MVD: variants seen among roughly 807,000 people sequenced by gnomAD.
MVD encodes mevalonate diphosphate decarboxylase, also known as diphosphomevalonate decarboxylase.
MVD carries 52 observed loss-of-function variants against 42.4 expected under a neutral mutation model. The observed-to-expected ratio is 1.23, with a 90% confidence interval of 0.98 to 1.55. The LOEUF (loss-of-function observed/expected upper bound fraction) is 1.55, where lower values mean the gene tolerates loss of function less well. Ranked by LOEUF, MVD falls within the 40% of genes most tolerant of loss-of-function variation. The probability of loss-of-function intolerance (pLI) is 0.00; values close to 1 mark genes in which losing one functional copy is unlikely to be tolerated. For missense variants in MVD, 663 were observed against 572.1 expected (o/e 1.16, Z -1.62); for synonymous variants, 287 against 243.2 (o/e 1.18, Z -1.68).
intron 9 of MVD, 127 bp from the exon 10 acceptor site, chr16:88,652,732 G>A: frequency 1.1e-6 from 1 of 909,326 alleles, no homozygotes. Flanking sequence ...CTGGTCAGAA[G>A]GTAAAGCGCC....
Position 88,652,541 on chromosome 16 carries a change from G to T in MVD, c.1187C>A (p.Pro396Gln). The change falls in exon 10 of 10, where the codon CCG becomes CAG. Residue 396 changes from proline to glutamine, a missense_variant. Physicochemically the swap from Pro to Gln is moderately conservative, Grantham distance 76. Coordinates refer to ENST00000301012, the MANE Select transcript of MVD (RefSeq NM_002461.3). ...CAHLLGPDGL[P>Q]KPAA ...CTGAGGCAGTCAGGCAGCTGGCTTC[G>T]GCAGGCCGTCAGGACCCAGGAGGTG... The T allele has an allele frequency of 6.4e-7, 1 of 1,573,274 alleles. No individual in the cohort carries two copies. Among genetic ancestry groups the T allele is most frequent in the African/African-American group, 1.3e-5 (1 of 74,148 alleles).
chr16:88,657,317 T>G, intron 4 of MVD, 119 bp downstream of exon 4: 1 of 1,382,920 alleles, frequency 7.2e-7, no homozygotes, highest in East Asian at 2.5e-5. Context: ...CAGGGAGGCC[T>G]GGGGTGAGGG....
In MVD at chr16:88,658,733, G is replaced by C. The variant is rs1908102319; in HGVS notation, c.71-13C>G. The C allele has an allele frequency of 6.2e-7, 1 of 1,606,912 alleles. No individual in the cohort carries two copies. Among genetic ancestry groups the C allele is most frequent in the African/African-American group, 1.3e-5 (1 of 74,590 alleles). On this transcript the variant is annotated splice_polypyrimidine_tract_variant and intron_variant, in intron 1 of 9. Coordinates refer to ENST00000301012, the MANE Select transcript of MVD (RefSeq NM_002461.3). ...TCGCGCTTGCCCCCTGTAATGAACA[G>C]CCAGGGCCAGGCCGGTGGGCTTCCC...
intron 5 of MVD, 52 bp from the exon 6 acceptor site, chr16:88,655,782 A>G (rs1016304508): frequency 3.3e-6 from 5 of 1,538,098 alleles, no homozygotes; most frequent in Admixed American, 3.9e-5. Context: ...GCCAGCCCCA[A>G]GGACCTCAGC....
Position 88,654,723 on chromosome 16 carries a change from G to A in MVD, c.982C>T (p.His328Tyr), listed in dbSNP as rs1907795129. 4 of 1,602,292 alleles carry A rather than the reference G, an allele frequency of 2.5e-6. No homozygotes were observed. The highest frequency in any genetic ancestry group is 3.4e-6 in the Non-Finnish European group (4 of 1,176,388). Residue 328 changes from histidine to tyrosine, a missense_variant, in exon 8 of 10, where the codon CAC (histidine) becomes TAC (tyrosine). By Grantham distance (83) the His-to-Tyr change is moderately conservative. Coordinates refer to ENST00000301012, the MANE Select transcript of MVD (RefSeq NM_002461.3). ...CCATTCGAGCCTGGGGGAAAGCCGT[G>A]CCACACAGCAGCCACAAACTCAGCC... ...TVAEFVAAVWHGFPPGSNGDT... is the reference protein window; with the variant it reads ...TVAEFVAAVWYGFPPGSNGDT...
Position 88,652,304 on chromosome 16 carries a change from C to T in MVD, c.*221G>A, listed in dbSNP as rs1323627981. The T allele has an allele frequency of 4.9e-6, 3 of 612,748 alleles. No individual in the cohort carries two copies. The highest frequency in any genetic ancestry group is 2.8e-5 in the East Asian group (1 of 36,166). The allele number at this position is 612,748 out of a possible 1,614,324, so 38.0% of individuals were successfully genotyped here. On this transcript the variant is annotated 3_prime_UTR_variant, in exon 10 of 10. Transcript: ENST00000301012. ...CCCTCCCCATCCCATCTTGGCAAAG[C>T]GCTGGTGCAGCTTAGGGCAGCTGAA...
chr16:88,657,775 G>C, intron 3 of MVD, 140 bp downstream of exon 3: 3 of 1,239,998 alleles, frequency 2.4e-6, no homozygotes, highest in Non-Finnish European at 3.4e-6. Context: ...CTGCCCTGGA[G>C]CTGGCGGCCC....
At chr16:88,662,495 G>C (rs4782396) in intron 1 of MVD, among the ~76,000 whole-genome samples, 128,950 of 152,274 alleles carry the variant, frequency 0.85, 54,657 homozygotes, top group East Asian at 0.92. Context: ...CGGCCTCCCC[G>C]GCACGGATGT....
chr16:88,655,287 G>C lies in MVD; in HGVS notation c.809C>G (p.Thr270Ser). ...SNQFHATCLD[T>S]FPPISYLNAI... ...ATTGAGGTAAGAGATGGGCGGGAAG[G>C]TGTCGAGGCAGGTGGCGTGGAACTG... The change falls in exon 7 of 10, where the codon ACC becomes AGC. Residue 270 changes from threonine (T) to serine (S), a missense_variant. Physicochemically the swap from Thr to Ser is moderately conservative, Grantham distance 58 (BLOSUM62 1). Coordinates refer to ENST00000301012, the MANE Select transcript of MVD (RefSeq NM_002461.3). 6.3e-7 allele frequency: 1 copy of C among 1,593,574 alleles called. No individual in the cohort carries two copies. The highest frequency in any genetic ancestry group is 8.5e-7 in the Non-Finnish European group (1 of 1,170,288).
chr16:88,662,607 T>C (rs1908377421), intron 1 of MVD: 2 of 1,058,730 alleles, frequency 1.9e-6, no homozygotes, highest in Non-Finnish European at 2.4e-6. Context: ...AGTGGCGCGA[T>C]TTCCGCTCAC....
intron 1 of MVD, among the ~76,000 whole-genome samples, chr16:88,661,480 T>A (rs976391879): frequency 1.3e-5 from 2 of 151,920 alleles, no homozygotes; most frequent in Non-Finnish European, 2.9e-5. Flanking sequence ...CACCTCAGCC[T>A]CCCCAAGTGC....
At chr16:88,656,921 G>A in intron 4 of MVD, 1 of 321,342 alleles carries the variant, frequency 3.1e-6, no homozygotes, top group Non-Finnish European at 6.1e-6. Flanking sequence ...GACAGTGGGT[G>A]GGAAGCTGCC....
intron 7 of MVD, 150 bp downstream of exon 7, chr16:88,655,049 C>CAGAT: frequency 2.9e-6 from 3 of 1,040,094 alleles, no homozygotes; most frequent in Non-Finnish European, 4.2e-6. Context: ...CAGAAGAACC[C>CAGAT]AGATGGTCAG....
intron 5 of MVD, 174 bp downstream of exon 5, chr16:88,655,931 C>T (rs1907893488): frequency 4.4e-6 from 5 of 1,125,716 alleles, no homozygotes; most frequent in South Asian, 3.1e-5. Context: ...TGGTGGCGCC[C>T]GCCGCATGGG....
At position 88,661,545 on chromosome 16, in the gene MVD, C is replaced by T. The variant is rs569810480; in HGVS notation, c.70+1466G>A. On this transcript the variant is annotated intron_variant, in intron 1 of 9. Transcript: ENST00000301012. ...AGCCTAGAATGTGTAATGAACTCTC[C>T]AAACTTATAGTAAAAAAGCAAACCA... 6.6e-5 allele frequency among the ~76,000 whole-genome samples: 10 copies of T among 151,982 alleles called. No homozygotes were observed. In the South Asian group the frequency reaches 1.5e-3, roughly 22 times the overall value.
At chr16:88,657,872 G>GC in intron 3 of MVD, 43 bp downstream of exon 3, 4 of 1,583,156 alleles carry the variant, frequency 2.5e-6, no homozygotes, top group Non-Finnish European at 3.5e-6. Context: ...CTCGGACCCT[G>GC]CTGACAACAG....
intron 8 of MVD, among the ~76,000 whole-genome samples, chr16:88,653,924 T>C (rs951669835): frequency 6.6e-6 from 1 of 151,818 alleles, no homozygotes; most frequent in African/African-American, 2.4e-5. Context: ...CCCCTGACCA[T>C]TAGAAGGTGT....
intron 6 of MVD, 22 bp downstream of exon 6, chr16:88,655,634 G>A (rs1315809271): frequency 2.6e-6 from 4 of 1,548,198 alleles, no homozygotes; most frequent in Admixed American, 2.0e-5. Context: ...AGGGCCCCGG[G>A]ACCACCCGCT....
chr16:88,652,403 A>G lies in MVD; in HGVS notation c.*122T>C, dbSNP rs1373750672. 56 of 1,107,484 alleles carry G rather than the reference A, an allele frequency of 5.1e-5. No homozygotes were observed. The highest frequency in any genetic ancestry group is 7.2e-5 in the Non-Finnish European group (54 of 751,988). The allele number at this position is 1,107,484 out of a possible 1,614,324, so 68.6% of individuals were successfully genotyped here. ...TGCACTGCCCCACAGCAAGCTGCCC[A>G]TGGGCCCGGGGTCAAGCCACCACCC... On this transcript the variant is annotated 3_prime_UTR_variant, in exon 10 of 10. Transcript: ENST00000301012.
Sources: allele counts gnomAD v4.1 joint callset (sites outside exome capture counted in the v4.1 genomes callset), GRCh38; gene constraint gnomAD v4.1.1; transcripts MANE v1.5; gene names NCBI Gene and HGNC (gene_info 2026-07-23, HGNC 2026-07-21).